Variants in CELF1 observed in about 807,000 individuals in gnomAD.
CELF1 encodes CUGBP Elav-like family member 1, also known as 50 kDa nuclear polyadenylated RNA-binding protein.
Under a neutral mutation model 61.8 loss-of-function variants are expected in CELF1, and 10 were observed. The observed-to-expected ratio is 0.16, with a 90% CI of 0.10 to 0.27. CELF1 has a LOEUF of 0.27. CELF1 is among the 10% of genes least tolerant of loss of function. The pLI is 1.00. For missense variants in CELF1, 380 were observed against 639.1 expected (o/e 0.59, Z 4.37); for synonymous variants, 236 against 225.1 (o/e 1.05, Z -0.43).
intron 1 of CELF1, among the ~76,000 whole-genome samples, chr11:47,522,541 C>CAACAAA (rs1555185695): frequency 6.6e-6 from 1 of 151,096 alleles, no homozygotes; most frequent in Non-Finnish European, 1.5e-5. Context: ...ACAACAACAA[C>CAACAAA]AAAACGCCAG....
chr11:47,552,775 C>G (rs1301085229), intron 1 of CELF1, among the ~76,000 whole-genome samples: 9 of 152,138 alleles, frequency 5.9e-5, no homozygotes, highest in African/African-American at 2.2e-4. Context: ...GGGGCACGCG[C>G]TGGGCAAACG....
intron 10 of CELF1, 71 bp from the exon 11 acceptor site, chr11:47,477,496 A>G: frequency 6.5e-7 from 1 of 1,528,382 alleles, no homozygotes; most frequent in Non-Finnish European, 9.0e-7. Flanking sequence ...AATGACAAGC[A>G]CACACTGGCA....
At chr11:47,549,483 T>C (rs2097077360) in intron 1 of CELF1, among the ~76,000 whole-genome samples, 4 of 152,154 alleles carry the variant, frequency 2.6e-5, no homozygotes, top group Admixed American at 2.6e-4. Context: ...CAATGGAGTA[T>C]TAGCCTTAAA....
chr11:47,549,453 A>G (rs918518991), intron 1 of CELF1, among the ~76,000 whole-genome samples: 1 of 152,204 alleles, frequency 6.6e-6, no homozygotes, highest in Non-Finnish European at 1.5e-5. Context: ...TCCATAAACA[A>G]TATGATATAT....
At chr11:47,482,656 G>A in intron 9 of CELF1, 39 bp downstream of exon 9, 2 of 1,592,642 alleles carry the variant, frequency 1.3e-6, no homozygotes, top group Non-Finnish European at 1.7e-6. Flanking sequence ...ACAGCTGGGA[G>A]CTTGCACAGT....
intron 1 of CELF1, among the ~76,000 whole-genome samples, chr11:47,520,565 T>C (rs961427010): frequency 2.0e-5 from 3 of 152,120 alleles, no homozygotes; most frequent in Admixed American, 2.0e-4. Context: ...CCCAGCACTT[T>C]GGGAAGCCGA....
At chr11:47,518,391 T>C (rs2095670034) in intron 1 of CELF1, among the ~76,000 whole-genome samples, 1 of 152,246 alleles carries the variant, frequency 6.6e-6, no homozygotes, top group South Asian at 2.1e-4. Flanking sequence ...CAACATTAGC[T>C]GGATTCCAGT....
chr11:47,521,125 G>A (rs1049834686), intron 1 of CELF1, among the ~76,000 whole-genome samples: 12 of 151,842 alleles, frequency 7.9e-5, no homozygotes, highest in African/African-American at 2.2e-4. Context: ...AGTGGCGGGC[G>A]CCTGTAGTCC....
intron 1 of CELF1, among the ~76,000 whole-genome samples, chr11:47,540,824 G>A (rs2096755269): frequency 6.6e-6 from 1 of 152,264 alleles, no homozygotes; most frequent in Non-Finnish European, 1.5e-5. Context: ...GGTGGAGGCT[G>A]CAGTGAGCCG....
chr11:47,548,562 G>T (rs1439768120), intron 1 of CELF1, among the ~76,000 whole-genome samples: 1 of 151,880 alleles, frequency 6.6e-6, no homozygotes, highest in Non-Finnish European at 1.5e-5. Flanking sequence ...ATCTAATAAG[G>T]GGTTAATATC....
rs187581269 is a variant in CELF1, at chr11:47,561,429, C to T, written c.-11+2922G>A. ...CTGCACTCCAGCCTGGGCGACAGAA[C>T]GAGACTCCGTCTCAAAAAAAAAAAA... On this transcript the variant is annotated intron_variant, in intron 2 of 3. Transcript: ENST00000525841. 4.5e-5 allele frequency among the ~76,000 whole-genome samples: 5 copies of T among 112,272 alleles called. No homozygotes were observed. The East Asian group carries it at 1.1e-3, about 24-fold the overall frequency. 73.7% of individuals were successfully genotyped at this position (112,272 alleles called of 152,430 possible). A position where few individuals can be genotyped will look rare whatever the true frequency, so the allele number is the denominator to read the frequency against.
chr11:47,541,665 C>A, intron 1 of CELF1, among the ~76,000 whole-genome samples: 1 of 144,552 alleles, frequency 6.9e-6, no homozygotes, highest in Non-Finnish European at 1.5e-5. Context: ...ACTCCAGAGC[C>A]TGGTGACAGG....
Position 47,548,665 on chromosome 11 carries a change from A to G in CELF1, c.-154+4327T>C, listed in dbSNP as rs541577698. On this transcript the variant is annotated intron_variant, in intron 1 of 14. Transcript: ENST00000687097. The stretch of plus-strand genomic sequence containing the variant: ...CGGATCACCTGAGGTTGGGAGTTCG[A>G]GACCAGCCTGGCCAACATGGTGAAA... Among the ~76,000 whole-genome samples, 130 of 152,168 alleles carry G rather than the reference A, an allele frequency of 8.5e-4. 1 individual carries two copies. The Middle Eastern group carries it at 0.017, about 20-fold the overall frequency.
intron 11 of CELF1, 150 bp downstream of exon 11, chr11:47,477,147 G>A (rs769451402): frequency 3.1e-6 from 3 of 954,052 alleles, no homozygotes; most frequent in Non-Finnish European, 4.8e-6. Flanking sequence ...TTTCTCTTAA[G>A]TACAAAAGAT....
At chr11:47,522,437 G>C (rs932656812) in intron 1 of CELF1, among the ~76,000 whole-genome samples, 3 of 151,734 alleles carry the variant, frequency 2.0e-5, no homozygotes, top group Admixed American at 2.0e-4. Flanking sequence ...GCTGAGTCAG[G>C]AGAACCCGGG....
At chr11:47,496,463 T>G (rs1482376714) in intron 3 of CELF1, among the ~76,000 whole-genome samples, 2 of 152,220 alleles carry the variant, frequency 1.3e-5, no homozygotes, top group Non-Finnish European at 2.9e-5. Context: ...GAGCAATATG[T>G]GCCCTTGAGG....
intron 3 of CELF1, among the ~76,000 whole-genome samples, chr11:47,496,615 A>G (rs990364277): frequency 1.3e-5 from 2 of 152,198 alleles, no homozygotes; most frequent in African/African-American, 4.8e-5. Context: ...CAGAGATTTC[A>G]GCTGCATAGA....
At chr11:47,487,116 T>C (rs1355457767) in intron 5 of CELF1, 43 bp downstream of exon 5, 5 of 1,463,514 alleles carry the variant, frequency 3.4e-6, no homozygotes, top group Non-Finnish European at 4.7e-6. Context: ...ATCCCACATA[T>C]CAAAGTTACC....
intron 3 of CELF1, among the ~76,000 whole-genome samples, chr11:47,490,771 C>G (rs2091051405): frequency 6.6e-6 from 1 of 152,100 alleles, no homozygotes; most frequent in Non-Finnish European, 1.5e-5. Context: ...CATTTTTCCA[C>G]CATTGCTATC....
Sources: allele counts gnomAD v4.1 joint callset (sites outside exome capture counted in the v4.1 genomes callset), GRCh38; gene constraint gnomAD v4.1.1; transcripts MANE v1.5; gene names NCBI Gene and HGNC (gene_info 2026-07-23, HGNC 2026-07-21).